GDAP1L1: variants seen among roughly 807,000 people sequenced by gnomAD.
GDAP1L1 encodes ganglioside induced differentiation associated protein 1 like 1.
GDAP1L1 carries 21 observed loss-of-function variants against 37.1 expected under a neutral mutation model. The observed-to-expected ratio is 0.57, with a 90% confidence interval of 0.40 to 0.81. The LOEUF (loss-of-function observed/expected upper bound fraction) is 0.81, where lower values mean the gene tolerates loss of function less well. GDAP1L1 is among the 40% of genes least tolerant of loss of function. GDAP1L1 has a pLI of 0.00. For synonymous variants in GDAP1L1, 193 were observed against 209.1 expected (o/e 0.92, Z 0.67); for missense variants, 362 against 491.6 (o/e 0.74, Z 2.49).
At chr20:44,250,602 A>C (rs2073421489) in intron 1 of GDAP1L1, among the ~76,000 whole-genome samples, 1 of 151,992 alleles carries the variant, frequency 6.6e-6, no homozygotes, top group Non-Finnish European at 1.5e-5. Flanking sequence ...TTTGGGGGAG[A>C]GGGTTGAGGA....
chr20:44,258,313 G>C (rs538211704), intron 2 of GDAP1L1, 121 bp from the exon 3 acceptor site: 19 of 975,128 alleles, frequency 1.9e-5, no homozygotes, highest in Non-Finnish European at 2.7e-5. Context: ...AGCCAAGCCC[G>C]AGCATGGGGG....
chr20:44,252,378 G>A (rs907705737), intron 1 of GDAP1L1, among the ~76,000 whole-genome samples: 9 of 152,002 alleles, frequency 5.9e-5, no homozygotes, highest in South Asian at 2.1e-4. Flanking sequence ...GGTGGCTCGC[G>A]CCTGTAATCC....
chr20:44,258,934 C>A (rs1339598603), intron 3 of GDAP1L1, among the ~76,000 whole-genome samples: 1 of 151,750 alleles, frequency 6.6e-6, no homozygotes, highest in Non-Finnish European at 1.5e-5. Context: ...GTCTCGCTCC[C>A]ATCCCCCTCC....
chr20:44,264,765 A>G, intron 5 of GDAP1L1: 1 of 1,234,062 alleles, frequency 8.1e-7, no homozygotes, highest in Non-Finnish European at 1.1e-6. Context: ...CCCTCTCTGA[A>G]ATTCAGTTTC....
chr20:44,276,412 A>AGAAAGAAAGAAAGAAAG (rs1486592312), intron 5 of GDAP1L1, among the ~76,000 whole-genome samples: 1 of 113,308 alleles, frequency 8.8e-6, no homozygotes. Flanking sequence ...AGAAAAAAGA[A>AGAAAGAAAGAAAGAAAG]AAAGAAAGAA....
chr20:44,276,412 A>AAAGAAAGAAAGAAAGAAAG (rs2062576459), intron 5 of GDAP1L1, among the ~76,000 whole-genome samples: 28 of 113,394 alleles, frequency 2.5e-4, no homozygotes, highest in African/African-American at 8.8e-4. Flanking sequence ...AGAAAAAAGA[A>AAAGAAAGAAAGAAAGAAAG]AAAGAAAGAA....
intron 5 of GDAP1L1, among the ~76,000 whole-genome samples, chr20:44,269,651 G>A (rs1432716699): frequency 6.6e-6 from 1 of 152,180 alleles, no homozygotes; most frequent in Non-Finnish European, 1.5e-5. Context: ...TAATTCCTGG[G>A]CTGGGCACAG....
chr20:44,279,133 A>G lies in GDAP1L1; in HGVS notation c.937A>G (p.Lys313Glu). Reference protein sequence around the residue: ...ERVQRRFAFRKVLGDIHTTLL... With the variant: ...ERVQRRFAFREVLGDIHTTLL... Reference sequence around the variant, plus strand: ...GGTCCAGAGACGCTTTGCCTTCCGGAAAGTCCTGGGTGACATCCACACCAC... The same window carrying G: ...GGTCCAGAGACGCTTTGCCTTCCGGGAAGTCCTGGGTGACATCCACACCAC... Residue 313 changes from lysine (K) to glutamate (E), a missense_variant, in exon 6 of 6, where the codon AAA becomes GAA. Lys to Glu is a moderately conservative substitution (Grantham distance 56). Transcript: ENST00000342560. 2.5e-6 allele frequency: 4 copies of G among 1,614,144 alleles called. No homozygotes were observed. Among genetic ancestry groups the G allele is most frequent in the Non-Finnish European group, 3.4e-6 (4 of 1,180,014 alleles).
intron 3 of GDAP1L1, among the ~76,000 whole-genome samples, chr20:44,262,524 A>G (rs904493163): frequency 1.3e-5 from 2 of 151,944 alleles, no homozygotes; most frequent in African/African-American, 4.8e-5. Context: ...TCTGGCATCT[A>G]CTACTCGTCC....
In GDAP1L1 at chr20:44,280,688, G is replaced by A. The variant is rs1455774100; in HGVS notation, c.*1388G>A. ...CATATTTATAATCCCAGTGCTTTGG[G>A]AGGCCAAGGCGGGAGAATTGCTCCA... On this transcript the variant is annotated 3_prime_UTR_variant, in exon 6 of 6. Transcript: ENST00000342560. The A allele has an allele frequency of 6.6e-6, 1 of 152,268 alleles. No homozygotes were observed. The allele number at this position is 152,268 out of a possible 1,614,324, so 9.4% of individuals were successfully genotyped here. A position where few individuals can be genotyped will look rare whatever the true frequency, so the allele number is the denominator to read the frequency against.
chr20:44,260,879 C>T (rs751940320), intron 3 of GDAP1L1, among the ~76,000 whole-genome samples: 1 of 152,272 alleles, frequency 6.6e-6, no homozygotes, highest in South Asian at 2.1e-4. Context: ...TGGGAAGTGA[C>T]GTGGTCAGAT....
chr20:44,262,469 G>A (rs1412946625), intron 3 of GDAP1L1, among the ~76,000 whole-genome samples: 1 of 151,940 alleles, frequency 6.6e-6, no homozygotes, highest in Non-Finnish European at 1.5e-5. Context: ...GGGAGAAGCA[G>A]TGAGGCAGGG....
At position 44,247,406 on chromosome 20, in the gene GDAP1L1, G is replaced by A. The variant is rs1178219166; in HGVS notation, c.72G>A (p.Ala24=). The A allele has an allele frequency of 6.2e-7, 1 of 1,612,280 alleles. No individual in the cohort carries two copies. Among genetic ancestry groups the A allele is most frequent in the Non-Finnish European group, 8.5e-7 (1 of 1,179,632 alleles). Residue 24 remains alanine, a synonymous_variant, in exon 1 of 6, where the codon GCG becomes GCA. Coordinates refer to ENST00000342560, the MANE Select transcript of GDAP1L1 (RefSeq NM_024034.6). ...WWPISALESD[A]AKPAEAPDAP... is the part of the protein sequence containing the mutation. ...CCATCTCCGCGCTGGAGAGCGATGC[G>A]GCCAAGCCAGCGGAGGCCCCCGACG... is the stretch of plus-strand genomic sequence containing the variant.
At chr20:44,257,585 G>A (rs531350454) in intron 2 of GDAP1L1, among the ~76,000 whole-genome samples, 99 of 152,210 alleles carry the variant, frequency 6.5e-4, no homozygotes, top group African/African-American at 2.3e-3. Context: ...CCCTGGTACT[G>A]TAAGGGCATG....
At chr20:44,271,951 C>T (rs1311125873) in intron 5 of GDAP1L1, among the ~76,000 whole-genome samples, 1 of 152,226 alleles carries the variant, frequency 6.6e-6, no homozygotes, top group Non-Finnish European at 1.5e-5. Context: ...ATCACAGGGT[C>T]ATGAGAGCAG....
At chr20:44,275,302 T>C (rs1450063616) in intron 5 of GDAP1L1, among the ~76,000 whole-genome samples, 4 of 152,282 alleles carry the variant, frequency 2.6e-5, no homozygotes, top group Non-Finnish European at 4.4e-5. Context: ...GGAGACATTG[T>C]ATTGTGTCGT....
At chr20:44,247,793 T>TGG (rs750857049) in intron 1 of GDAP1L1, among the ~76,000 whole-genome samples, 923 of 77,214 alleles carry the variant, frequency 0.012, 11 homozygotes, top group East Asian at 0.089. Flanking sequence ...GCGGGGCGGG[T>TGG]TGGGGGGGCT....
intron 1 of GDAP1L1, among the ~76,000 whole-genome samples, chr20:44,250,463 G>A (rs1392466441): frequency 1.3e-5 from 2 of 152,192 alleles, no homozygotes; most frequent in Non-Finnish European, 2.9e-5. Context: ...GTTAAGTGCT[G>A]GGTGCTGTTA....
At chr20:44,274,753 G>C (rs1192534329) in intron 5 of GDAP1L1, among the ~76,000 whole-genome samples, 2 of 152,048 alleles carry the variant, frequency 1.3e-5, no homozygotes, top group Admixed American at 6.6e-5. Context: ...TCCAAGTCTG[G>C]CTACACTGAT....
Sources: gnomAD v4.1 joint callset for allele counts (sites outside exome capture counted in the v4.1 genomes callset) on GRCh38, gnomAD v4.1.1 for gene constraint, MANE v1.5 for transcripts, NCBI Gene and HGNC (gene_info 2026-07-23, HGNC 2026-07-21) for gene names.